The following GLI3 variants were observed in gnomAD, a reference collection of about 807,000 sequenced individuals.
GLI3 encodes GLI family zinc finger 3.
In GLI3, 20 loss-of-function variants were observed where a neutral mutation model predicts 100.8. The observed-to-expected ratio is 0.20, with a 90% CI of 0.14 to 0.29. GLI3 has a LOEUF of 0.29. GLI3 is among the 10% of genes least tolerant of loss of function. The pLI, the probability that GLI3 is intolerant of heterozygous loss-of-function variation, is 1.00. For missense variants in GLI3, 2,040 were observed against 2,128.5 expected (o/e 0.96, Z 0.82); for synonymous variants, 938 against 860.5 (o/e 1.09, Z -1.58).
chr7:42,158,311 C>T (rs966562726), intron 2 of GLI3, among the ~76,000 whole-genome samples: 1 of 152,216 alleles, frequency 6.6e-6, no homozygotes, highest in Non-Finnish European at 1.5e-5. Flanking sequence ...TTCAGCTAAA[C>T]GTCCTGAGGT....
In GLI3 at chr7:42,126,552, G is replaced by T. The variant is rs149145928; in HGVS notation, c.367+21674C>A. On this transcript the variant is annotated intron_variant, in intron 3 of 14. Coordinates refer to ENST00000395925, the MANE Select transcript of GLI3 (RefSeq NM_000168.6). ...AAAGTTAAGAGAGAATATGCAGGCCGCAATCCAATAGAGTTGGAATAACTG... is the reference window on the plus strand; with the variant it reads ...AAAGTTAAGAGAGAATATGCAGGCCTCAATCCAATAGAGTTGGAATAACTG... Among the ~76,000 whole-genome samples the T allele has an allele frequency of 4.6e-5, 7 of 152,254 alleles. No homozygotes were observed. The South Asian group carries it at 6.2e-4, about 14-fold the overall frequency.
At chr7:42,139,110 A>G (rs1269430216) in intron 3 of GLI3, among the ~76,000 whole-genome samples, 1 of 152,142 alleles carries the variant, frequency 6.6e-6, no homozygotes, top group Non-Finnish European at 1.5e-5. Flanking sequence ...CCTGCTGCAC[A>G]ATTTCTCTAG....
chr7:42,120,795 CT>C (rs1785978503), intron 3 of GLI3, among the ~76,000 whole-genome samples: 1 of 152,160 alleles, frequency 6.6e-6, no homozygotes, highest in Admixed American at 6.5e-5. Flanking sequence ...TAAAGCTTAA[CT>C]TTTTTTCTAC....
rs1214290581 is a variant in GLI3, at chr7:42,210,677, A to G, written c.124+12453T>C. ...ATAAAACATGCTTTTTAAAAATCAT[A>G]TCTTTTTTTTTCAAGAAAAGGGGAG... On this transcript the variant is annotated intron_variant, in intron 2 of 14. Transcript: ENST00000395925. 2.6e-5 allele frequency among the ~76,000 whole-genome samples: 4 copies of G among 152,260 alleles called. No homozygotes were observed. In the East Asian group the frequency reaches 7.7e-4, roughly 29 times the overall value.
chr7:42,119,086 A>T (rs1239054344), intron 3 of GLI3, among the ~76,000 whole-genome samples: 1 of 152,206 alleles, frequency 6.6e-6, no homozygotes, highest in Non-Finnish European at 1.5e-5. Flanking sequence ...GACAAGGCTC[A>T]GCCAAGGGAA....
At chr7:42,043,005 C>T (rs1387529906) in intron 6 of GLI3, among the ~76,000 whole-genome samples, 4 of 152,216 alleles carry the variant, frequency 2.6e-5, no homozygotes, top group South Asian at 2.1e-4. Flanking sequence ...GAAACCTAGA[C>T]GTGCCCACTA....
At chr7:42,206,886 A>T (rs561871055) in intron 2 of GLI3, among the ~76,000 whole-genome samples, 36 of 152,312 alleles carry the variant, frequency 2.4e-4, no homozygotes, top group African/African-American at 7.5e-4. Context: ...AAAATTTTTT[A>T]AAAAAGAGAC....
rs907289973 is a variant in GLI3 at position 41,964,618 on chromosome 7, A to T, written c.4455T>A (p.Asn1485Lys). Residue 1485 changes from asparagine (N) to lysine (K), a missense_variant, in exon 15 of 15, where the codon AAT becomes AAA. By Grantham distance (94) the Asn-to-Lys change is moderately conservative. Transcript: ENST00000395925. Reference protein sequence around the residue: ...KNSELLSPGANQVTSTVDSLD... With the variant: ...KNSELLSPGAKQVTSTVDSLD... ...GGCTGTCCACTGTGCTTGTCACCTG[A>T]TTAGCACCTGGGGAAAGTAACTCAG... is the stretch of plus-strand genomic sequence containing the variant. 1 of 1,614,074 alleles carries T rather than the reference A, an allele frequency of 6.2e-7. No individual in the cohort carries two copies. The highest frequency in any genetic ancestry group is 1.3e-5 in the African/African-American group (1 of 75,048).
Position 41,972,196 on chromosome 7 carries a change from A to G in GLI3, c.2103+141T>C, listed in dbSNP as rs1787381150. ...AGCTGATCGACTTCACGTAAGCAAT[A>G]CGGGTCACTGCCCTCATCGCCTCCT... On this transcript the variant is annotated intron_variant, in intron 13 of 14. Transcript: ENST00000395925. The surrounding 1 kb of genome is among the most constrained non-coding windows in gnomAD (Gnocchi z 4.4). 3.7e-6 allele frequency: 3 copies of G among 817,972 alleles called. No homozygotes were observed. The allele number at this position is 817,972 out of a possible 1,614,324, so 50.7% of individuals were successfully genotyped here. A position where few individuals can be genotyped will look rare whatever the true frequency, so the allele number is the denominator to read the frequency against.
chr7:41,971,472 G>A (rs1787362628), intron 13 of GLI3, among the ~76,000 whole-genome samples: 2 of 152,034 alleles, frequency 1.3e-5, no homozygotes, highest in African/African-American at 4.8e-5. Context: ...GAAATTTTTA[G>A]GTGTTTTATA....
intron 2 of GLI3, among the ~76,000 whole-genome samples, chr7:42,195,665 T>G (rs914280214): frequency 6.6e-6 from 1 of 152,192 alleles, no homozygotes. Context: ...TTAGTATAGC[T>G]TATTTAATAA....
intron 10 of GLI3, among the ~76,000 whole-genome samples, chr7:42,012,389 TTTC>T (rs1429054230): frequency 1.3e-5 from 2 of 151,986 alleles, no homozygotes; most frequent in Non-Finnish European, 2.9e-5. Context: ...CCCCCTCCCT[TTTC>T]TTCTTCTCTC....
intron 2 of GLI3, among the ~76,000 whole-genome samples, chr7:42,203,499 C>T (rs1186323144): frequency 6.6e-6 from 1 of 152,168 alleles, no homozygotes; most frequent in Non-Finnish European, 1.5e-5. Flanking sequence ...CTGTGCCTGG[C>T]TTATTTCACT....
intron 2 of GLI3, among the ~76,000 whole-genome samples, chr7:42,149,328 C>T (rs1397231363): frequency 3.3e-5 from 5 of 152,196 alleles, no homozygotes; most frequent in Non-Finnish European, 5.9e-5. Flanking sequence ...CCATATACAG[C>T]GGGTATTCCA....
intron 2 of GLI3, among the ~76,000 whole-genome samples, chr7:42,171,414 C>T (rs1787370553): frequency 6.6e-6 from 1 of 152,124 alleles, no homozygotes; most frequent in Non-Finnish European, 1.5e-5. Context: ...TATGTTTAAG[C>T]AATGTGAATA....
intron 4 of GLI3, among the ~76,000 whole-genome samples, chr7:42,067,018 A>T (rs1386220318): frequency 5.9e-5 from 9 of 152,220 alleles, no homozygotes; most frequent in Admixed American, 5.9e-4. Context: ...ATACGCATAT[A>T]CAGTAACATA....
At chr7:42,212,031 C>T (rs898147402) in intron 2 of GLI3, among the ~76,000 whole-genome samples, 1 of 152,220 alleles carries the variant, frequency 6.6e-6, no homozygotes, top group Non-Finnish European at 1.5e-5. Flanking sequence ...TTGATCCCTA[C>T]TCTAGGTGGA....
chr7:42,003,256 G>A (rs1179637743), intron 10 of GLI3, among the ~76,000 whole-genome samples: 5 of 152,116 alleles, frequency 3.3e-5, no homozygotes, highest in African/African-American at 1.2e-4. Context: ...TAATCTCGAA[G>A]TGCATGTATT....
chr7:42,094,733 C>CAAA (rs57330922), intron 3 of GLI3, among the ~76,000 whole-genome samples: 3 of 144,932 alleles, frequency 2.1e-5, no homozygotes, highest in African/African-American at 7.6e-5. Flanking sequence ...GACTCTGTGT[C>CAAA]AAAAAAAAAA....
Sources: gnomAD v4.1 joint callset for allele counts (sites outside exome capture counted in the v4.1 genomes callset) on GRCh38, gnomAD v4.1.1 for gene constraint, Gnocchi (gnomAD v3.1) non-coding constraint, MANE v1.5 for transcripts, NCBI Gene and HGNC (gene_info 2026-07-23, HGNC 2026-07-21) for gene names.